The following ANKFN1 variants were observed in gnomAD, a reference collection of about 807,000 sequenced individuals.
ANKFN1 encodes the protein ankyrin repeat and fibronectin type III domain containing 1, also known as ankyrin repeat and fibronectin type-III domain-containing protein 1.
Under a neutral mutation model 108.7 loss-of-function variants are expected in ANKFN1, and 74 were observed. The observed-to-expected ratio is 0.68, with a 90% confidence interval of 0.56 to 0.83. The LOEUF (loss-of-function observed/expected upper bound fraction) is 0.83. ANKFN1 is among the 40% of genes least tolerant of loss of function. The pLI is 0.00. For missense variants in ANKFN1, 1,505 were observed against 1,382.3 expected (o/e 1.09, Z -1.41); for synonymous variants, 547 against 516.2 (o/e 1.06, Z -0.81).
At chr17:56,378,425 A>G (rs142905697) in intron 8 of ANKFN1, among the ~76,000 whole-genome samples, 260 of 152,280 alleles carry the variant, frequency 1.7e-3, no homozygotes, top group African/African-American at 5.6e-3. Context: ...TCTGTGATTT[A>G]TATTCTTCTT....
intron 3 of ANKFN1, among the ~76,000 whole-genome samples, chr17:56,287,957 C>T (rs2044261565): frequency 6.6e-6 from 1 of 152,102 alleles, no homozygotes; most frequent in Admixed American, 6.6e-5. Flanking sequence ...AACACAATTG[C>T]CAGGCCTTCA....
At chr17:56,233,552 CTTG>C (rs1482188567) in intron 3 of ANKFN1, among the ~76,000 whole-genome samples, 2 of 151,850 alleles carry the variant, frequency 1.3e-5, no homozygotes, top group African/African-American at 4.8e-5. Context: ...CTGTTTTGTT[CTTG>C]TTTTTTTCTC....
intron 7 of ANKFN1, among the ~76,000 whole-genome samples, chr17:56,374,050 A>G (rs1033778618): frequency 6.6e-6 from 1 of 152,222 alleles, no homozygotes; most frequent in African/African-American, 2.4e-5. Flanking sequence ...GTGAGTTAGA[A>G]TTCTATCAAT....
chr17:56,185,853 G>C (rs1003445688), intron 1 of ANKFN1, among the ~76,000 whole-genome samples: 1 of 151,930 alleles, frequency 6.6e-6, no homozygotes, highest in Non-Finnish European at 1.5e-5. Flanking sequence ...AACTAAATTC[G>C]ACCAGGACTC....
chr17:56,333,788 G>T (rs1441750938), intron 4 of ANKFN1, among the ~76,000 whole-genome samples: 1 of 152,004 alleles, frequency 6.6e-6, no homozygotes, highest in Non-Finnish European at 1.5e-5. Flanking sequence ...ATTTATTAAA[G>T]ATTTTAGGAT....
intron 6 of ANKFN1, among the ~76,000 whole-genome samples, chr17:56,355,430 CA>C (rs138001135): frequency 4.6e-5 from 7 of 151,820 alleles, no homozygotes; most frequent in Admixed American, 1.3e-4. Flanking sequence ...ACTGGAGGAA[CA>C]AAAAAAGTCA....
At position 56,312,938 on chromosome 17, in the gene ANKFN1, C is replaced by T. The variant is rs138495145; in HGVS notation, c.54-13283C>T. On this transcript the variant is annotated intron_variant, in intron 3 of 20. Transcript: ENST00000682825. Reference sequence around the variant, plus strand: ...TTGGGAGGCCAAGGCAGGTGGATCACGAGGTCAGGAGTTCAAGACCAGCCT... The same window carrying T: ...TTGGGAGGCCAAGGCAGGTGGATCATGAGGTCAGGAGTTCAAGACCAGCCT... 3.3e-3 allele frequency among the ~76,000 whole-genome samples: 508 copies of T among 152,132 alleles called. 8 individuals are homozygous for T. Among genetic ancestry groups the T allele is most frequent in the African/African-American group, 0.012 (482 of 41,502 alleles).
intron 1 of ANKFN1, among the ~76,000 whole-genome samples, chr17:56,172,636 G>A (rs2143576579): frequency 6.6e-6 from 1 of 152,272 alleles, no homozygotes; most frequent in South Asian, 2.1e-4. Context: ...CTGAGCCCAG[G>A]ATTAAGAGCC....
chr17:56,310,188 GGTGTACAATTTAAA>G (rs2045720411), intron 3 of ANKFN1, among the ~76,000 whole-genome samples: 1 of 152,116 alleles, frequency 6.6e-6, no homozygotes, highest in African/African-American at 2.4e-5. Flanking sequence ...TACCCAAAAT[GGTGTACAATTTAAA>G]GTTTATGAAT....
chr17:56,288,378 T>C (rs1415314499), intron 3 of ANKFN1, among the ~76,000 whole-genome samples: 1 of 152,176 alleles, frequency 6.6e-6, no homozygotes, highest in Non-Finnish European at 1.5e-5. Flanking sequence ...TTTTTTTAGC[T>C]GAACAATATA....
intron 4 of ANKFN1, among the ~76,000 whole-genome samples, chr17:56,083,028 T>C (rs1350109563): frequency 6.6e-6 from 1 of 151,488 alleles, no homozygotes; most frequent in Non-Finnish European, 1.5e-5. Flanking sequence ...TGTATTGTGA[T>C]AACTGCTGAT....
chr17:56,337,947 T>C (rs1404856418), intron 4 of ANKFN1, among the ~76,000 whole-genome samples: 1 of 152,142 alleles, frequency 6.6e-6, no homozygotes, highest in Non-Finnish European at 1.5e-5. Context: ...AGCGATTCCA[T>C]TACTGGGTAT....
chr17:56,268,990 G>A (rs2043724837), intron 3 of ANKFN1, among the ~76,000 whole-genome samples: 1 of 152,168 alleles, frequency 6.6e-6, no homozygotes, highest in Non-Finnish European at 1.5e-5. Flanking sequence ...CATTTCCACT[G>A]CTAAGAATGC....
In ANKFN1 at chr17:56,372,673, A is replaced by G. The variant is rs765171010; in HGVS notation, c.629A>G (p.His210Arg). The G allele has an allele frequency of 6.2e-7, 1 of 1,613,512 alleles. No individual in the cohort carries two copies. The highest frequency in any genetic ancestry group is 8.5e-7 in the Non-Finnish European group (1 of 1,179,872). The change falls in exon 7 of 21, where the codon CAC (histidine) becomes CGC (arginine). Residue 210 changes from histidine (H) to arginine (R), a missense_variant. His to Arg is a conservative substitution (Grantham distance 29, BLOSUM62 0). Coordinates refer to ENST00000682825, the MANE Select transcript of ANKFN1 (RefSeq NM_001370326.1). The part of the protein sequence containing the change: ...HFVSLESRAM[H>R]LNTLVQEAQE... ...GTCAGCCTGGAAAGCCGAGCAATGC[A>G]CCTCAACACACTGGTCCAGGAAGCC...
At chr17:56,197,887 G>A (rs1042964627) in intron 1 of ANKFN1, among the ~76,000 whole-genome samples, 28 of 152,208 alleles carry the variant, frequency 1.8e-4, no homozygotes, top group African/African-American at 6.3e-4. Flanking sequence ...ATATGTGCCT[G>A]TAGTTCCAGC....
At chr17:56,205,831 A>AC (rs1914485956) in intron 1 of ANKFN1, among the ~76,000 whole-genome samples, 1 of 152,140 alleles carries the variant, frequency 6.6e-6, no homozygotes, top group African/African-American at 2.4e-5. Context: ...TCAAATCTAC[A>AC]CTAGTCCTGA....
At chr17:56,064,005 A>G (rs1905021185) in intron 4 of ANKFN1, among the ~76,000 whole-genome samples, 1 of 152,018 alleles carries the variant, frequency 6.6e-6, no homozygotes, top group Non-Finnish European at 1.5e-5. Flanking sequence ...CCTCTTCTGT[A>G]GGGCTGCTGC....
chr17:56,269,467 T>C (rs1234726371), intron 3 of ANKFN1, among the ~76,000 whole-genome samples: 2 of 152,208 alleles, frequency 1.3e-5, no homozygotes, highest in African/African-American at 2.4e-5. Context: ...ATTATCATTA[T>C]TGACTTGCCC....
intron 3 of ANKFN1, among the ~76,000 whole-genome samples, chr17:56,296,190 G>A (rs538754041): frequency 3.9e-5 from 6 of 152,088 alleles, no homozygotes; most frequent in East Asian, 1.9e-4. Flanking sequence ...ATCTGAGTAC[G>A]GAGGTGAGGG....
Sources: allele counts gnomAD v4.1 joint callset (sites outside exome capture counted in the v4.1 genomes callset), GRCh38; gene constraint gnomAD v4.1.1; transcripts MANE v1.5; gene names NCBI Gene and HGNC (gene_info 2026-07-23, HGNC 2026-07-21).